Variants in CLSTN2 observed in about 807,000 individuals in gnomAD.
The protein encoded by CLSTN2 is calsyntenin 2, also known as calsyntenin-2.
In CLSTN2, 48 loss-of-function variants were observed where a neutral mutation model predicts 101.2. The observed-to-expected ratio is 0.47, with a 90% CI of 0.38 to 0.60. The LOEUF (loss-of-function observed/expected upper bound fraction) is 0.60. Among genes scored for constraint, CLSTN2 ranks in the 20% least tolerant of loss-of-function variants. CLSTN2 has a pLI of 0.00. For missense variants in CLSTN2, 1,160 were observed against 1,238.2 expected (o/e 0.94, Z 0.95); for synonymous variants, 481 against 463.6 (o/e 1.04, Z -0.48).
chr3:140,148,411 C>A (rs1249032850), intron 1 of CLSTN2, among the ~76,000 whole-genome samples: 6 of 152,204 alleles, frequency 3.9e-5, no homozygotes, highest in Non-Finnish European at 7.3e-5. Context: ...GAAGTCATTA[C>A]TCACTGTGGT....
chr3:140,104,939 C>G (rs980869188), intron 1 of CLSTN2, among the ~76,000 whole-genome samples: 4 of 152,236 alleles, frequency 2.6e-5, no homozygotes, highest in African/African-American at 7.2e-5. Flanking sequence ...GATCGTGCCA[C>G]TGCACTCCAG....
At chr3:140,554,061 G>C (rs1935755949) in intron 10 of CLSTN2, among the ~76,000 whole-genome samples, 1 of 152,184 alleles carries the variant, frequency 6.6e-6, no homozygotes, top group South Asian at 2.1e-4. Context: ...CAGAGTCCCT[G>C]TGCTCAGGGG....
chr3:139,977,235 G>A (rs1029061604), intron 1 of CLSTN2, among the ~76,000 whole-genome samples: 1 of 152,070 alleles, frequency 6.6e-6, no homozygotes, highest in Non-Finnish European at 1.5e-5. Flanking sequence ...GAAATGCTTT[G>A]GAGACACACA....
chr3:140,279,444 T>C (rs1308995156), intron 2 of CLSTN2, among the ~76,000 whole-genome samples: 1 of 152,162 alleles, frequency 6.6e-6, no homozygotes, highest in Non-Finnish European at 1.5e-5. Flanking sequence ...TGCCAAAAGG[T>C]GTTACATTGA....
chr3:140,136,484 A>G (rs2009617357), intron 1 of CLSTN2, among the ~76,000 whole-genome samples: 1 of 152,152 alleles, frequency 6.6e-6, no homozygotes, highest in Non-Finnish European at 1.5e-5. Flanking sequence ...TACAGTCACT[A>G]TTTTTGTTGC....
At chr3:140,561,294 T>C (rs1402577889) in intron 12 of CLSTN2, among the ~76,000 whole-genome samples, 1 of 152,154 alleles carries the variant, frequency 6.6e-6, no homozygotes, top group Non-Finnish European at 1.5e-5. Context: ...TCTATTAGGA[T>C]TATATTTGCA....
At chr3:140,016,467 G>A (rs2007203436) in intron 1 of CLSTN2, among the ~76,000 whole-genome samples, 1 of 152,002 alleles carries the variant, frequency 6.6e-6, no homozygotes. Context: ...TTTTTTCAAT[G>A]AATATATTAG....
chr3:140,353,429 T>C (rs1042053883), intron 2 of CLSTN2, among the ~76,000 whole-genome samples: 10 of 152,100 alleles, frequency 6.6e-5, no homozygotes, highest in Admixed American at 2.6e-4. Flanking sequence ...ACTGGGAGTC[T>C]AGGCCAGTCT....
intron 1 of CLSTN2, among the ~76,000 whole-genome samples, chr3:139,977,895 C>T (rs769378689): frequency 2.0e-5 from 3 of 152,190 alleles, no homozygotes; most frequent in Non-Finnish European, 2.9e-5. Context: ...TTTCCATGGT[C>T]TCTGCTCAGC....
chr3:140,522,428 C>T (rs755479995), intron 8 of CLSTN2, among the ~76,000 whole-genome samples: 20 of 152,222 alleles, frequency 1.3e-4, no homozygotes, highest in Non-Finnish European at 2.2e-4. Context: ...TGCATGGTTC[C>T]AATCCTCCTG....
intron 1 of CLSTN2, among the ~76,000 whole-genome samples, chr3:140,072,446 A>G (rs930726750): frequency 1.3e-5 from 2 of 152,230 alleles, no homozygotes; most frequent in Non-Finnish European, 2.9e-5. Flanking sequence ...GTAAATGAAT[A>G]CAAATAAAAT....
chr3:140,348,860 C>G (rs1051492091), intron 2 of CLSTN2, among the ~76,000 whole-genome samples: 5 of 152,204 alleles, frequency 3.3e-5, no homozygotes, highest in Non-Finnish European at 4.4e-5. Context: ...GTAGCTTAGG[C>G]AGTCTCTCCC....
chr3:140,467,584 G>A (rs1005544139), intron 8 of CLSTN2, among the ~76,000 whole-genome samples: 2 of 152,122 alleles, frequency 1.3e-5, no homozygotes, highest in East Asian at 1.9e-4. Context: ...TGGGGCCCCA[G>A]GACCTCATTT....
At chr3:140,551,106 A>G (rs1576623203) in intron 10 of CLSTN2, among the ~76,000 whole-genome samples, 1 of 152,208 alleles carries the variant, frequency 6.6e-6, no homozygotes, top group Non-Finnish European at 1.5e-5. Flanking sequence ...TCTTTCCTCC[A>G]TATCAGCAAC....
chr3:140,534,475 A>G (rs1443718801), intron 9 of CLSTN2, among the ~76,000 whole-genome samples: 2 of 152,218 alleles, frequency 1.3e-5, no homozygotes, highest in Non-Finnish European at 2.9e-5. Context: ...TAAAATCAAT[A>G]AGAATAAGTT....
intron 8 of CLSTN2, among the ~76,000 whole-genome samples, chr3:140,488,262 C>T (rs1436678867): frequency 1.3e-5 from 2 of 152,138 alleles, no homozygotes; most frequent in African/African-American, 4.8e-5. Flanking sequence ...AAACATATTT[C>T]AGGGACAAAT....
chr3:139,970,918 G>A (rs1935688377), intron 1 of CLSTN2, among the ~76,000 whole-genome samples: 1 of 152,216 alleles, frequency 6.6e-6, no homozygotes, highest in East Asian at 1.9e-4. Context: ...TTTGCCCCAT[G>A]TCAGTGCATT....
At chr3:140,060,754 C>A in intron 1 of CLSTN2, among the ~76,000 whole-genome samples, 1 of 152,212 alleles carries the variant, frequency 6.6e-6, no homozygotes, top group Non-Finnish European at 1.5e-5. Context: ...CTGGTGTTAA[C>A]CACAGTGGTG....
intron 8 of CLSTN2, among the ~76,000 whole-genome samples, chr3:140,529,575 C>A (rs1935213101): frequency 1.3e-5 from 2 of 152,198 alleles, no homozygotes; most frequent in African/African-American, 4.8e-5. Flanking sequence ...TTTGTCCCTG[C>A]AGTTCTAGCA....
Sources: allele counts gnomAD v4.1 joint callset (sites outside exome capture counted in the v4.1 genomes callset), GRCh38; gene constraint gnomAD v4.1.1; transcripts MANE v1.5; gene names NCBI Gene and HGNC (gene_info 2026-07-23, HGNC 2026-07-21).